FBXL17: variants seen among roughly 807,000 people sequenced by gnomAD.
FBXL17 encodes the protein F-box and leucine rich repeat protein 17, also known as F-box/LRR-repeat protein 17.
A neutral mutation model predicts 66.2 loss-of-function variants in FBXL17; 22 were observed. The ratio of observed to expected loss-of-function variants is 0.33; its 90% CI spans 0.24 to 0.47. FBXL17 has a LOEUF of 0.47. FBXL17 is among the 20% of genes least tolerant of loss of function. The pLI, the probability that FBXL17 is intolerant of heterozygous loss-of-function variation, is 1.00. For synonymous variants in FBXL17, 474 were observed against 400.5 expected, an observed-to-expected ratio of 1.18 and a Z score of -2.19; for missense variants, 878 against 948.2, an observed-to-expected ratio of 0.93 and a Z score of 0.97.
chr5:108,326,461 G>A (rs1205837650), intron 4 of FBXL17, among the ~76,000 whole-genome samples: 1 of 151,744 alleles, frequency 6.6e-6, no homozygotes, highest in African/African-American at 2.4e-5. Context: ...AAATGAGCTG[G>A]GCATGGTGGT....
chr5:108,337,249 C>G (rs1236510477), intron 4 of FBXL17, among the ~76,000 whole-genome samples: 1 of 148,384 alleles, frequency 6.7e-6, no homozygotes, highest in Non-Finnish European at 1.5e-5. Context: ...GAGTGAGACT[C>G]CATCTCAAAA....
intron 6 of FBXL17, among the ~76,000 whole-genome samples, chr5:108,102,558 C>T (rs749695957): frequency 5.3e-5 from 8 of 152,038 alleles, no homozygotes; most frequent in Middle Eastern, 3.4e-3. Flanking sequence ...GTGTGTGTAG[C>T]GGTGGGGTGG....
At chr5:108,124,728 A>G (rs990505017) in intron 6 of FBXL17, among the ~76,000 whole-genome samples, 3 of 152,054 alleles carry the variant, frequency 2.0e-5, no homozygotes, top group African/African-American at 7.2e-5. Context: ...AACTTCTCCA[A>G]TCTCATCTTT....
At chr5:108,346,228 T>C (rs1747272203) in intron 4 of FBXL17, among the ~76,000 whole-genome samples, 1 of 152,160 alleles carries the variant, frequency 6.6e-6, no homozygotes, top group South Asian at 2.1e-4. Context: ...CAAATTATTC[T>C]AAATTTCCTT....
At chr5:108,165,189 C>T (rs1018860448) in intron 6 of FBXL17, among the ~76,000 whole-genome samples, 1 of 152,098 alleles carries the variant, frequency 6.6e-6, no homozygotes, top group Non-Finnish European at 1.5e-5. Context: ...TACCACTAAC[C>T]TGTTAGAAAT....
At chr5:108,159,475 C>T (rs943824450) in intron 6 of FBXL17, among the ~76,000 whole-genome samples, 4 of 152,088 alleles carry the variant, frequency 2.6e-5, no homozygotes, top group African/African-American at 9.7e-5. Context: ...AGGCAGCGTC[C>T]TTCTGAATGG....
chr5:108,171,381 A>T (rs894255738), intron 6 of FBXL17, among the ~76,000 whole-genome samples: 1 of 152,136 alleles, frequency 6.6e-6, no homozygotes, highest in Admixed American at 6.5e-5. Context: ...TCTACATTCA[A>T]TCCTGGCTCT....
At chr5:108,112,339 A>G (rs557866464) in intron 6 of FBXL17, among the ~76,000 whole-genome samples, 27 of 152,210 alleles carry the variant, frequency 1.8e-4, no homozygotes, top group Non-Finnish European at 3.1e-4. Flanking sequence ...GCTTGGATAG[A>G]AATGACCTGC....
At chr5:108,069,523 T>C (rs1237082246) in intron 6 of FBXL17, among the ~76,000 whole-genome samples, 2 of 152,150 alleles carry the variant, frequency 1.3e-5, no homozygotes, top group Admixed American at 1.3e-4. Flanking sequence ...AGGCCAACAG[T>C]AGGCATAAAT....
At chr5:108,212,442 T>C (rs993875302) in intron 5 of FBXL17, among the ~76,000 whole-genome samples, 3 of 152,208 alleles carry the variant, frequency 2.0e-5, no homozygotes, top group Admixed American at 6.5e-5. Context: ...AGCCTTTTTG[T>C]GCTGGTTTCT....
intron 6 of FBXL17, among the ~76,000 whole-genome samples, chr5:108,135,058 A>G (rs1751082116): frequency 6.6e-6 from 1 of 152,168 alleles, no homozygotes; most frequent in Non-Finnish European, 1.5e-5. Context: ...CAAAAAGGGT[A>G]GCAATATATG....
intron 8 of FBXL17, among the ~76,000 whole-genome samples, chr5:107,871,188 C>T (rs1460373271): frequency 6.6e-6 from 1 of 151,888 alleles, no homozygotes; most frequent in African/African-American, 2.4e-5. Flanking sequence ...GCAGTCATTC[C>T]ATTTCAGAAT....
chr5:108,262,353 T>C (rs1325634005), intron 4 of FBXL17, among the ~76,000 whole-genome samples: 1 of 152,034 alleles, frequency 6.6e-6, no homozygotes, highest in African/African-American at 2.4e-5. Flanking sequence ...AAATATATAT[T>C]TTTAAAGTGT....
At chr5:108,025,452 T>C (rs1448827375) in intron 6 of FBXL17, among the ~76,000 whole-genome samples, 1 of 149,656 alleles carries the variant, frequency 6.7e-6, no homozygotes, top group Admixed American at 6.6e-5. Flanking sequence ...CTATGAAGAG[T>C]GTCGTAAAGT....
At chr5:108,248,309 C>T (rs1222784402) in intron 4 of FBXL17, among the ~76,000 whole-genome samples, 1 of 151,954 alleles carries the variant, frequency 6.6e-6, no homozygotes, top group Non-Finnish European at 1.5e-5. Flanking sequence ...CAATACATAA[C>T]CAAAACGAAA....
At chr5:108,353,213 A>T (rs1351110857) in intron 3 of FBXL17, among the ~76,000 whole-genome samples, 1 of 152,216 alleles carries the variant, frequency 6.6e-6, no homozygotes, top group Non-Finnish European at 1.5e-5. Context: ...TTTTAGATCC[A>T]TCAGAGAAAT....
intron 4 of FBXL17, among the ~76,000 whole-genome samples, chr5:108,319,286 C>A (rs1403715654): frequency 6.6e-6 from 1 of 151,706 alleles, no homozygotes; most frequent in Non-Finnish European, 1.5e-5. Context: ...TAATTATGTA[C>A]CATCTGAAAT....
At chr5:107,922,606 T>C (rs1750362023) in intron 7 of FBXL17, among the ~76,000 whole-genome samples, 1 of 152,206 alleles carries the variant, frequency 6.6e-6, no homozygotes, top group East Asian at 1.9e-4. Flanking sequence ...TAAACCAACA[T>C]CTTCTGTCAG....
chr5:108,247,618 A>G (rs905162116), intron 4 of FBXL17, among the ~76,000 whole-genome samples: 2 of 152,206 alleles, frequency 1.3e-5, no homozygotes, highest in Non-Finnish European at 1.5e-5. Context: ...TTTTAAATAT[A>G]AATAAGTCTT....
Sources: allele counts gnomAD v4.1 joint callset (sites outside exome capture counted in the v4.1 genomes callset), GRCh38; gene constraint gnomAD v4.1.1; transcripts MANE v1.5; gene names NCBI Gene and HGNC (gene_info 2026-07-23, HGNC 2026-07-21).